Variants in ARB2A observed in about 807,000 individuals in gnomAD.
ARB2A encodes cotranscriptional regulator ARB2A.
chr5:93,691,632 A>C, the ARB2A span, among the ~76,000 whole-genome samples: 1 of 152,174 alleles, frequency 6.6e-6, no homozygotes, highest in Non-Finnish European at 1.5e-5. Context: ...GAAATTCCCC[A>C]ACTAGCAAGA....
the ARB2A span, among the ~76,000 whole-genome samples, chr5:94,079,521 T>C: frequency 1.3e-5 from 2 of 152,184 alleles, no homozygotes; most frequent in African/African-American, 2.4e-5. Context: ...TAATTATGAA[T>C]GAGTTTCTTC....
chr5:94,000,631 T>G, the ARB2A span, among the ~76,000 whole-genome samples: 2 of 152,098 alleles, frequency 1.3e-5, no homozygotes, highest in Non-Finnish European at 2.9e-5. Context: ...TTAACATTGT[T>G]TTTTGTAAAA....
At chr5:94,063,081 T>C in the ARB2A span, among the ~76,000 whole-genome samples, 1 of 152,210 alleles carries the variant, frequency 6.6e-6, no homozygotes, top group East Asian at 1.9e-4. Flanking sequence ...CTGCCGCCCA[T>C]ACTTGAGCAT....
At chr5:93,978,291 C>T in the ARB2A span, among the ~76,000 whole-genome samples, 1 of 152,086 alleles carries the variant, frequency 6.6e-6, no homozygotes, top group Non-Finnish European at 1.5e-5. Flanking sequence ...ATAAATCATT[C>T]TACCAAAAAG....
chr5:93,917,199 A>G, the ARB2A span, among the ~76,000 whole-genome samples: 1 of 152,276 alleles, frequency 6.6e-6, no homozygotes, highest in South Asian at 2.1e-4. Context: ...CTAACTCCAA[A>G]TTTTAACCCC....
chr5:93,882,569 G>A, the ARB2A span, among the ~76,000 whole-genome samples: 151 of 150,478 alleles, frequency 1.0e-3, no homozygotes, highest in African/African-American at 3.5e-3. Flanking sequence ...TTAAGAAAAC[G>A]TTTGATATTT....
chr5:93,863,752 T>G, the ARB2A span: 3 of 152,168 alleles, frequency 2.0e-5, no homozygotes, highest in Non-Finnish European at 4.4e-5. Flanking sequence ...TGGTTGCTAT[T>G]GCTATTCAAA....
the ARB2A span, among the ~76,000 whole-genome samples, chr5:93,829,246 C>G: frequency 6.6e-6 from 1 of 152,268 alleles, no homozygotes; most frequent in South Asian, 2.1e-4. Context: ...AGAAGACACA[C>G]AGAACAGTCT....
At chr5:93,793,441 T>C in the ARB2A span, among the ~76,000 whole-genome samples, 1 of 151,848 alleles carries the variant, frequency 6.6e-6, no homozygotes, top group Non-Finnish European at 1.5e-5. Flanking sequence ...CATAATATCC[T>C]GTATTTTTTT....
the ARB2A span, among the ~76,000 whole-genome samples, chr5:93,695,023 T>TA: frequency 1.3e-5 from 2 of 152,160 alleles, no homozygotes; most frequent in Admixed American, 1.3e-4. Flanking sequence ...CCTTACACCT[T>TA]ACACAAAAAT....
At chr5:93,914,101 A>G in the ARB2A span, among the ~76,000 whole-genome samples, 1 of 151,964 alleles carries the variant, frequency 6.6e-6, no homozygotes, top group East Asian at 1.9e-4. Flanking sequence ...AAGTCACAGT[A>G]GACAAACTAA....
the ARB2A span, among the ~76,000 whole-genome samples, chr5:93,927,680 G>A: frequency 6.6e-6 from 1 of 152,086 alleles, no homozygotes; most frequent in Non-Finnish European, 1.5e-5. Context: ...CCGAATTTAG[G>A]TGGAGAAAAG....
At chr5:93,979,460 C>T in the ARB2A span, among the ~76,000 whole-genome samples, 296 of 152,046 alleles carry the variant, frequency 1.9e-3, 2 homozygotes, top group African/African-American at 6.2e-3. Flanking sequence ...TTATTTTTTA[C>T]GTTTTACAAA....
chr5:93,795,401 CA>C, the ARB2A span, among the ~76,000 whole-genome samples: 2 of 152,154 alleles, frequency 1.3e-5, no homozygotes, highest in Non-Finnish European at 2.9e-5. Flanking sequence ...AGAAGGCACG[CA>C]GACTCACAGT....
chr5:93,630,230 C>T, the ARB2A span, among the ~76,000 whole-genome samples: 1 of 152,110 alleles, frequency 6.6e-6, no homozygotes, highest in African/African-American at 2.4e-5. Context: ...GAAATCCTCC[C>T]AGTTAGAAGG....
the ARB2A span, chr5:93,865,912 G>A: frequency 2.0e-6 from 2 of 985,318 alleles, no homozygotes; most frequent in Non-Finnish European, 2.4e-6. Flanking sequence ...TTATCGCTAT[G>A]AGGGCTGCCC....
the ARB2A span, among the ~76,000 whole-genome samples, chr5:93,687,209 CACTGCTT>C: frequency 6.6e-6 from 1 of 152,154 alleles, no homozygotes; most frequent in Non-Finnish European, 1.5e-5. Flanking sequence ...TGCTCAACCT[CACTGCTT>C]ACCAAATAAA....
chr5:94,037,024 G>C, the ARB2A span, among the ~76,000 whole-genome samples: 2 of 152,064 alleles, frequency 1.3e-5, no homozygotes, highest in African/African-American at 4.8e-5. Context: ...ATTGCTAAAA[G>C]TCCCTTTTCC....
At chr5:93,866,293 A>T in the ARB2A span, 1 of 981,928 alleles carries the variant, frequency 1.0e-6, no homozygotes, top group Non-Finnish European at 1.2e-6. Flanking sequence ...GATATAATGC[A>T]CCAAGATTTT....
Sources: allele counts gnomAD v4.1 joint callset (sites outside exome capture counted in the v4.1 genomes callset), GRCh38; gene constraint gnomAD v4.1.1; transcripts MANE v1.5; gene names NCBI Gene and HGNC (gene_info 2026-07-23, HGNC 2026-07-21).